ABAT: variants seen among roughly 807,000 people sequenced by gnomAD.
The protein encoded by ABAT is 4-aminobutyrate aminotransferase.
Under a neutral mutation model 64.6 loss-of-function variants are expected in ABAT, and 45 were observed. The observed-to-expected ratio is 0.70, with a 90% CI of 0.55 to 0.89. ABAT has a LOEUF of 0.89. Ranked by LOEUF, ABAT falls within the 40% of genes least tolerant of loss-of-function variation. The probability of loss-of-function intolerance (pLI) is 0.00; values close to 1 mark genes in which losing one functional copy is unlikely to be tolerated. For synonymous variants in ABAT, 297 were observed against 250.5 expected (o/e 1.19, Z -1.75); for missense variants, 633 against 658.4 (o/e 0.96, Z 0.42).
At chr16:8,743,438 T>TAA (rs2059229326) in intron 2 of ABAT, among the ~76,000 whole-genome samples, 1 of 89,270 alleles carries the variant, frequency 1.1e-5, no homozygotes, top group South Asian at 3.7e-4. Context: ...TATATATATA[T>TAA]ATATATACAC....
At chr16:8,744,151 A>C (rs1232006571) in intron 2 of ABAT, among the ~76,000 whole-genome samples, 1 of 152,166 alleles carries the variant, frequency 6.6e-6, no homozygotes, top group Non-Finnish European at 1.5e-5. Flanking sequence ...CTGTTCCCGC[A>C]ATGCTACAAA....
Position 8,776,242 on chromosome 16 carries a change from G to C in ABAT, c.1123-102G>C. Reference sequence around the variant, plus strand: ...CCTCTGGTAGATGCCCACTAGATTAGTTTCTCTCCTCTTCAAGAGAGGAGG... The same window carrying C: ...CCTCTGGTAGATGCCCACTAGATTACTTTCTCTCCTCTTCAAGAGAGGAGG... On this transcript the variant is annotated intron_variant, in intron 13 of 15. Transcript: ENST00000268251. The surrounding 1 kb of genome is among the most constrained non-coding windows in gnomAD (Gnocchi z 4.4). 6.5e-7 allele frequency: 1 copy of C among 1,534,494 alleles called. No homozygotes were observed.
At chr16:8,716,202 C>A (rs7184890) in intron 1 of ABAT, among the ~76,000 whole-genome samples, 27,333 of 151,942 alleles carry the variant, frequency 0.18, 2,805 homozygotes, top group African/African-American at 0.26. Context: ...TATGCCCCCA[C>A]CCCCTGTTTT....
At chr16:8,711,428 G>A (rs2058067149) in intron 1 of ABAT, among the ~76,000 whole-genome samples, 1 of 152,206 alleles carries the variant, frequency 6.6e-6, no homozygotes, top group African/African-American at 2.4e-5. Context: ...GGTGGTGAAG[G>A]AAGATAACAG....
At chr16:8,747,965 T>C in intron 3 of ABAT, 143 bp from the exon 4 acceptor site, 1 of 724,042 alleles carries the variant, frequency 1.4e-6, no homozygotes, top group Non-Finnish European at 2.3e-6. Flanking sequence ...TCAAGTAATT[T>C]TAAAGTAATA....
chr16:8,735,608 T>A, intron 1 of ABAT, 91 bp from the exon 2 acceptor site: 1 of 1,046,212 alleles, frequency 9.6e-7, no homozygotes, highest in Non-Finnish European at 1.4e-6. Context: ...AAGAACTTTC[T>A]CTATTAGGTG....
intron 1 of ABAT, among the ~76,000 whole-genome samples, chr16:8,676,074 G>C (rs769846345): frequency 4.6e-5 from 7 of 152,134 alleles, no homozygotes; most frequent in Non-Finnish European, 7.3e-5. Context: ...TTCTCTGGTG[G>C]GTCAGGTTGG....
At chr16:8,724,951 CTG>C (rs1330526318) in intron 1 of ABAT, among the ~76,000 whole-genome samples, 2 of 148,492 alleles carry the variant, frequency 1.3e-5, no homozygotes, top group Admixed American at 6.7e-5. Flanking sequence ...GAGTCTCACT[CTG>C]TTGCCCAGGC....
chr16:8,744,843 C>G (rs80162834), intron 2 of ABAT, among the ~76,000 whole-genome samples: 5,097 of 152,066 alleles, frequency 0.034, 281 homozygotes, highest in African/African-American at 0.12. Flanking sequence ...ATGCTAATAC[C>G]ATGGGCATCT....
intron 1 of ABAT, among the ~76,000 whole-genome samples, chr16:8,690,850 C>T (rs1162622773): frequency 6.6e-6 from 1 of 152,188 alleles, no homozygotes; most frequent in African/African-American, 2.4e-5. Context: ...GAGAGCCAAA[C>T]ATAGCGGACA....
At chr16:8,732,216 TG>T (rs199799612) in intron 1 of ABAT, among the ~76,000 whole-genome samples, 7,577 of 144,130 alleles carry the variant, frequency 0.053, 434 homozygotes, top group East Asian at 0.24. Flanking sequence ...TTTGTTTGTT[TG>T]TTTTTTTAAT....
intron 2 of ABAT, chr16:8,738,563 T>G (rs1266926050): frequency 2.5e-6 from 1 of 407,662 alleles, no homozygotes; most frequent in Non-Finnish European, 4.8e-6. Context: ...TAAGAAGTTA[T>G]CAATGGCTTT....
At chr16:8,747,062 G>A (rs989714961) in intron 3 of ABAT, among the ~76,000 whole-genome samples, 6 of 152,188 alleles carry the variant, frequency 3.9e-5, no homozygotes, top group African/African-American at 1.4e-4. Flanking sequence ...ACAAAAGCAA[G>A]AGGAGAACAT....
intron 1 of ABAT, among the ~76,000 whole-genome samples, chr16:8,721,675 T>C (rs1028087562): frequency 5.3e-5 from 8 of 152,216 alleles, no homozygotes; most frequent in Non-Finnish European, 1.2e-4. Flanking sequence ...TGGGAGCTGG[T>C]ACTTTTACTA....
At chr16:8,760,844 G>A (rs1034586585) in intron 6 of ABAT, among the ~76,000 whole-genome samples, 2 of 152,164 alleles carry the variant, frequency 1.3e-5, no homozygotes, top group African/African-American at 4.8e-5. Flanking sequence ...GGAGGCTGAG[G>A]CAGAAGGATC....
At chr16:8,685,906 T>C (rs2057444868) in intron 1 of ABAT, among the ~76,000 whole-genome samples, 1 of 152,142 alleles carries the variant, frequency 6.6e-6, no homozygotes, top group Admixed American at 6.5e-5. Context: ...GATTTTGTTA[T>C]CACTTGAGAA....
chr16:8,711,103 T>C (rs752597177), intron 1 of ABAT, among the ~76,000 whole-genome samples: 5 of 152,232 alleles, frequency 3.3e-5, no homozygotes, highest in African/African-American at 7.2e-5. Context: ...AGTAGAATTA[T>C]GCTAGGGATC....
intron 1 of ABAT, among the ~76,000 whole-genome samples, chr16:8,729,716 C>T (rs1326828818): frequency 6.6e-6 from 1 of 151,206 alleles, no homozygotes; most frequent in Non-Finnish European, 1.5e-5. Flanking sequence ...GTCCCAGCTA[C>T]TTGGCAGGGC....
At chr16:8,748,452 G>A (rs189892603) in intron 4 of ABAT, among the ~76,000 whole-genome samples, 34 of 152,156 alleles carry the variant, frequency 2.2e-4, no homozygotes, top group Middle Eastern at 3.4e-3. Context: ...ATGGCCTAGC[G>A]TATGGTCTAG....
Sources: allele counts gnomAD v4.1 joint callset (sites outside exome capture counted in the v4.1 genomes callset), GRCh38; gene constraint gnomAD v4.1.1; non-coding constraint Gnocchi (gnomAD v3.1); transcripts MANE v1.5; gene names NCBI Gene and HGNC (gene_info 2026-07-23, HGNC 2026-07-21).